The following SNW1 variants were observed in gnomAD, a reference collection of about 807,000 sequenced individuals.
SNW1 encodes SNW domain-containing protein 1.
SNW1 carries 9 observed loss-of-function variants against 75.6 expected under a neutral mutation model. The ratio of observed to expected loss-of-function variants is 0.12; its 90% CI spans 0.07 to 0.21. The LOEUF (loss-of-function observed/expected upper bound fraction) is 0.21, where lower values mean the gene tolerates loss of function less well. SNW1 is among the 10% of genes least tolerant of loss of function. SNW1 has a pLI of 1.00. For missense variants in SNW1, 409 were observed against 670.9 expected (o/e 0.61, Z 4.31); for synonymous variants, 200 against 219.1 (o/e 0.91, Z 0.77).
intron 3 of SNW1, among the ~76,000 whole-genome samples, chr14:77,739,316 T>G (rs2080698363): frequency 6.6e-6 from 1 of 152,210 alleles, no homozygotes; most frequent in African/African-American, 2.4e-5. Context: ...AGTATCCAAA[T>G]AAACCATGCC....
rs181789347 is a variant in SNW1 at position 77,749,730 on chromosome 14, G to A, written c.330+1589C>T. Among the ~76,000 whole-genome samples the A allele has an allele frequency of 9.9e-4, 151 of 152,286 alleles. No homozygotes were observed. In the Middle Eastern group the frequency reaches 0.01, roughly 10 times the overall value. ...TGCAATGAATTATGAGGGTGCCAGGGCACTACAATCTAAAAAAGAATAAAC... is the reference window on the plus strand; with the variant it reads ...TGCAATGAATTATGAGGGTGCCAGGACACTACAATCTAAAAAAGAATAAAC... On this transcript the variant is annotated intron_variant, in intron 3 of 13. Coordinates refer to ENST00000261531, the MANE Select transcript of SNW1 (RefSeq NM_012245.3).
chr14:77,733,900 C>A (rs1024992570), intron 8 of SNW1: 11 of 427,420 alleles, frequency 2.6e-5, no homozygotes, highest in Admixed American at 8.1e-5. Context: ...CTTTATTTTC[C>A]AGATATCTGA....
rs775533687 is a variant in SNW1 at position 77,718,501 on chromosome 14, T to A, written c.1278A>T (p.Glu426Asp). The A allele has an allele frequency of 1.2e-6, 2 of 1,612,770 alleles. No individual in the cohort carries two copies. Among genetic ancestry groups the A allele is most frequent in the East Asian group, 2.2e-5 (1 of 44,842 alleles). Residue 426 changes from glutamate to aspartate, a missense_variant, in exon 13 of 14, where the codon GAA becomes GAT. Glu to Asp is a conservative substitution (Grantham distance 45). Transcript: ENST00000261531. The stretch of plus-strand genomic sequence containing the variant: ...GATCATAAACATTATAAATTTCATC[T>A]TCTCCACCTGCAAATCCACTGTCCA... ...KGMDSGFAGG[E>D]DEIYNVYDQA...
intron 3 of SNW1, among the ~76,000 whole-genome samples, chr14:77,748,259 G>A (rs2080779818): frequency 6.6e-6 from 1 of 152,066 alleles, no homozygotes; most frequent in African/African-American, 2.4e-5. Context: ...AGTACCCAGG[G>A]ACACAAACAC....
chr14:77,725,670 C>T (rs1047509931), intron 10 of SNW1, among the ~76,000 whole-genome samples: 5 of 152,112 alleles, frequency 3.3e-5, no homozygotes, highest in African/African-American at 1.2e-4. Context: ...GCCTGTAACG[C>T]ACTTTGGGAG....
rs189093714 is a variant in SNW1, at chr14:77,720,398, G to A, written c.1248+313C>T. The A allele has an allele frequency of 1.0e-4, 66 of 659,460 alleles. No homozygotes were observed. In the Middle Eastern group the frequency reaches 1.2e-3, roughly 12 times the overall value. The allele number at this position is 659,460 out of a possible 1,614,324, so 40.9% of individuals were successfully genotyped here. On this transcript the variant is annotated intron_variant, in intron 12 of 13. Coordinates refer to ENST00000261531, the MANE Select transcript of SNW1 (RefSeq NM_012245.3). ...GATCTGCCCGCTTCGGCCTCCAAATGTGTTGGGATTACAGGCAAAAGCCAC... is the reference window on the plus strand; with the variant it reads ...GATCTGCCCGCTTCGGCCTCCAAATATGTTGGGATTACAGGCAAAAGCCAC...
At chr14:77,728,212 G>A (rs961381761) in intron 10 of SNW1, among the ~76,000 whole-genome samples, 1 of 152,158 alleles carries the variant, frequency 6.6e-6, no homozygotes, top group Non-Finnish European at 1.5e-5. Context: ...CACTTTGAGA[G>A]GCTGAGGCAG....
At chr14:77,757,935 TATCTATCTATCTATCTATC>T (rs1244031803) in intron 1 of SNW1, among the ~76,000 whole-genome samples, 1 of 138,250 alleles carries the variant, frequency 7.2e-6, no homozygotes, top group African/African-American at 2.7e-5. Flanking sequence ...TCTATCTATC[TATCTATCTATCTATCTATC>T]GCAATCAATC....
At chr14:77,740,317 C>T (rs2080708508) in intron 3 of SNW1, among the ~76,000 whole-genome samples, 1 of 151,738 alleles carries the variant, frequency 6.6e-6, no homozygotes, top group East Asian at 1.9e-4. Flanking sequence ...TTTTGTAGAA[C>T]TGTTTACCAC....
chr14:77,738,990 C>T lies in SNW1; in HGVS notation c.402G>A (p.Arg134=). The stretch of plus-strand genomic sequence containing the variant: ...CCTCTTTAATAGCTTCTTCATCGGG[C>T]CTTTGCAGGTCTGGATCATCTGCAT... ...VMNADDPDLQ[R]PDEEAIKEIT... Residue 134 remains arginine, a synonymous_variant, in exon 4 of 14, where the codon AGG becomes AGA. Transcript: ENST00000261531. The T allele has an allele frequency of 6.2e-7, 1 of 1,613,988 alleles. No individual in the cohort carries two copies. The highest frequency in any genetic ancestry group is 8.5e-7 in the Non-Finnish European group (1 of 1,179,930).
intron 5 of SNW1, 44 bp downstream of exon 5, chr14:77,738,734 A>C: frequency 6.9e-7 from 1 of 1,452,460 alleles, no homozygotes; most frequent in Non-Finnish European, 9.7e-7. Context: ...CCCAAGCTGA[A>C]TCAAGTTCAG....
chr14:77,735,736 G>C (rs2080665726), intron 7 of SNW1, among the ~76,000 whole-genome samples: 1 of 152,010 alleles, frequency 6.6e-6, no homozygotes, highest in Non-Finnish European at 1.5e-5. Context: ...TTAAAAGTAG[G>C]GTTTGCATTA....
At chr14:77,737,354 T>G (rs1405585461) in intron 5 of SNW1, among the ~76,000 whole-genome samples, 6 of 152,092 alleles carry the variant, frequency 3.9e-5, no homozygotes, top group Non-Finnish European at 8.8e-5. Flanking sequence ...GTTTCACAGA[T>G]AAGCAGTCTA....
chr14:77,732,931 G>C (rs1283367680), intron 8 of SNW1, among the ~76,000 whole-genome samples: 1 of 152,204 alleles, frequency 6.6e-6, no homozygotes, highest in Non-Finnish European at 1.5e-5. Flanking sequence ...AAAGTGCTGG[G>C]ATTACAGGCA....
In SNW1 at chr14:77,755,917, T is replaced by G. The variant is rs145998565; in HGVS notation, c.15-797A>C. Among the ~76,000 whole-genome samples, 527 of 151,578 alleles carry G rather than the reference T, an allele frequency of 3.5e-3. 4 individuals carry two copies. Among genetic ancestry groups the G allele is most frequent in the Middle Eastern group, 0.02 (6 of 294 alleles). ...CCACGCCCACCTAATTTTTGTATTT[T>G]TAGTAGAGACAGGGTTTCGCCATGT... On this transcript the variant is annotated intron_variant, in intron 1 of 13. Transcript: ENST00000261531.
At chr14:77,751,809 C>G (rs925747548) in intron 2 of SNW1, among the ~76,000 whole-genome samples, 10 of 77,864 alleles carry the variant, frequency 1.3e-4, no homozygotes, top group Non-Finnish European at 2.2e-4. Context: ...TGGGAAGACA[C>G]ACACACACAC....
rs1224479795 is a variant in SNW1, at chr14:77,738,827, C to T, written c.484G>A (p.Ala162Thr). Residue 162 changes from alanine to threonine, a missense_variant, in exon 5 of 14, where the codon GCC becomes ACC. Ala to Thr is a moderately conservative substitution (Grantham distance 58, BLOSUM62 0). Coordinates refer to ENST00000261531, the MANE Select transcript of SNW1 (RefSeq NM_012245.3). Reference protein sequence around the residue: ...EKSVSQKVAAAMPVRAADKLA... With the variant: ...EKSVSQKVAATMPVRAADKLA... ...TTGTCAGCTGCTCGAACTGGCATGG[C>T]TGCGGCGACCTTCTGTGATACAGAT... is the stretch of plus-strand genomic sequence containing the variant. 6.2e-7 allele frequency: 1 copy of T among 1,614,074 alleles called. No individual in the cohort carries two copies. Among genetic ancestry groups the T allele is most frequent in the East Asian group, 2.2e-5 (1 of 44,896 alleles).
Position 77,738,949 on chromosome 14 carries a change from T to C in SNW1, c.426+17A>G, listed in dbSNP as rs778863008. ...TCAGGATGTAAATAGTCATCGAATA[T>C]ATCAATTCCCAGTTACCTCTTTAAT... On this transcript the variant is annotated intron_variant, in intron 4 of 13. Coordinates refer to ENST00000261531, the MANE Select transcript of SNW1 (RefSeq NM_012245.3). 3 of 1,611,080 alleles carry C rather than the reference T, an allele frequency of 1.9e-6. No individual in the cohort carries two copies. Among genetic ancestry groups the C allele is most frequent in the Non-Finnish European group, 2.5e-6 (3 of 1,177,166 alleles).
intron 2 of SNW1, among the ~76,000 whole-genome samples, chr14:77,751,853 A>AC: frequency 6.7e-6 from 1 of 148,464 alleles, no homozygotes; most frequent in Admixed American, 6.7e-5. Context: ...CACCACACAC[A>AC]CACACACACA....
Sources: allele counts gnomAD v4.1 joint callset (sites outside exome capture counted in the v4.1 genomes callset), GRCh38; gene constraint gnomAD v4.1.1; transcripts MANE v1.5; gene names NCBI Gene and HGNC (gene_info 2026-07-23, HGNC 2026-07-21).